OXR1: variants seen among roughly 807,000 people sequenced by gnomAD.
OXR1 encodes the protein oxidation resistance protein 1.
OXR1 carries 41 observed loss-of-function variants against 104.6 expected under a neutral mutation model. The ratio of observed to expected loss-of-function variants is 0.39; its 90% CI spans 0.31 to 0.51. The LOEUF (loss-of-function observed/expected upper bound fraction) is 0.51, where lower values mean the gene tolerates loss of function less well. Among genes scored for constraint, OXR1 ranks in the 20% least tolerant of loss-of-function variants. The pLI is 0.77. For missense variants in OXR1, 955 were observed against 1,031.9 expected (o/e 0.93, Z 1.02); for synonymous variants, 348 against 348.4 (o/e 1.00, Z 0.01).
At chr8:106,623,885 T>C (rs1365699466) in intron 3 of OXR1, among the ~76,000 whole-genome samples, 1 of 152,324 alleles carries the variant, frequency 6.6e-6, no homozygotes, top group East Asian at 1.9e-4. Flanking sequence ...GAGAAAATTG[T>C]CCAGTTCATT....
intron 8 of OXR1, among the ~76,000 whole-genome samples, chr8:106,704,732 G>T (rs948384912): frequency 2.6e-5 from 4 of 151,956 alleles, no homozygotes; most frequent in Non-Finnish European, 5.9e-5. Flanking sequence ...GTACTTTGGG[G>T]TTCTCTTATT....
At chr8:106,435,152 A>G (rs1423508450) in intron 2 of OXR1, among the ~76,000 whole-genome samples, 1 of 152,166 alleles carries the variant, frequency 6.6e-6, no homozygotes, top group African/African-American at 2.4e-5. Context: ...AACAGTGCTG[A>G]TTATGGGAAC....
intron 2 of OXR1, among the ~76,000 whole-genome samples, chr8:106,413,723 ACTT>A (rs72158125): frequency 0.37 from 54,560 of 145,566 alleles, 10,942 homozygotes; most frequent in East Asian, 0.68. Context: ...TGCTGTATCT[ACTT>A]TTTTTTTTTT....
chr8:106,554,685 C>G (rs926892195), intron 3 of OXR1, among the ~76,000 whole-genome samples: 1 of 152,254 alleles, frequency 6.6e-6, no homozygotes, highest in Admixed American at 6.5e-5. Context: ...TGACTTATGT[C>G]ACCCCCAGAT....
At chr8:106,638,848 C>G (rs369382412) in intron 3 of OXR1, among the ~76,000 whole-genome samples, 1 of 149,480 alleles carries the variant, frequency 6.7e-6, no homozygotes, top group African/African-American at 2.5e-5. Context: ...GAGCAGATAT[C>G]GTGCCACTGC....
chr8:106,299,637 T>C (rs1367758011), intron 1 of OXR1, among the ~76,000 whole-genome samples: 1 of 152,178 alleles, frequency 6.6e-6, no homozygotes, highest in Non-Finnish European at 1.5e-5. Context: ...TTTCTCTTTA[T>C]TCTTCATATT....
intron 3 of OXR1, chr8:106,658,100 T>C (rs957537131): frequency 2.9e-5 from 36 of 1,247,776 alleles, no homozygotes; most frequent in Non-Finnish European, 3.5e-5. Flanking sequence ...GCTTCGAAGA[T>C]TACCTGAGGG....
chr8:106,429,340 A>G (rs1230390671), intron 2 of OXR1, among the ~76,000 whole-genome samples: 1 of 152,122 alleles, frequency 6.6e-6, no homozygotes, highest in African/African-American at 2.4e-5. Flanking sequence ...TTTAGATCCC[A>G]GAACAGCATC....
intron 1 of OXR1, among the ~76,000 whole-genome samples, chr8:106,332,281 C>G (rs1197085122): frequency 2.0e-5 from 3 of 152,104 alleles, no homozygotes; most frequent in Non-Finnish European, 4.4e-5. Context: ...CATGTTTCTT[C>G]TTCCAGTTGA....
intron 3 of OXR1, among the ~76,000 whole-genome samples, chr8:106,543,562 A>G (rs1395061605): frequency 6.6e-6 from 1 of 152,162 alleles, no homozygotes; most frequent in Non-Finnish European, 1.5e-5. Context: ...ATGAGCTGAT[A>G]CTGTGTGTCA....
chr8:106,703,847 C>A (rs187782429), intron 8 of OXR1, among the ~76,000 whole-genome samples: 30 of 152,250 alleles, frequency 2.0e-4, no homozygotes, highest in Admixed American at 1.6e-3. Flanking sequence ...TAGGAAATAA[C>A]CTCCTCATTC....
At chr8:106,570,707 C>T (rs1458394942) in intron 3 of OXR1, among the ~76,000 whole-genome samples, 3 of 152,090 alleles carry the variant, frequency 2.0e-5, no homozygotes, top group Non-Finnish European at 4.4e-5. Flanking sequence ...TGCAGGCTTC[C>T]TACCTCATTG....
chr8:106,307,981 A>G (rs574374740), intron 1 of OXR1, among the ~76,000 whole-genome samples: 1 of 151,552 alleles, frequency 6.6e-6, no homozygotes, highest in Non-Finnish European at 1.5e-5. Flanking sequence ...CACACACACA[A>G]AAATGGAACC....
chr8:106,648,455 C>T (rs1430600926), intron 3 of OXR1, among the ~76,000 whole-genome samples: 1 of 152,086 alleles, frequency 6.6e-6, no homozygotes, highest in African/African-American at 2.4e-5. Context: ...TGATGATATT[C>T]TTTTAGTATA....
At chr8:106,616,052 T>A in intron 3 of OXR1, among the ~76,000 whole-genome samples, 1 of 121,590 alleles carries the variant, frequency 8.2e-6, no homozygotes, top group Non-Finnish European at 1.7e-5. Flanking sequence ...TTTTTTTTTT[T>A]TGAGACGGAG....
chr8:106,562,987 G>GA (rs1816791995), intron 3 of OXR1, among the ~76,000 whole-genome samples: 1 of 152,110 alleles, frequency 6.6e-6, no homozygotes, highest in African/African-American at 2.4e-5. Flanking sequence ...ATATGGAGAG[G>GA]AAAAACCAGT....
rs1033608610 is a variant in OXR1 at position 106,632,930 on chromosome 8, C to T, written c.221-46280C>T. Among the ~76,000 whole-genome samples, 6 of 149,286 alleles carry T rather than the reference C, an allele frequency of 4.0e-5. No homozygotes were observed. In the East Asian group the frequency reaches 1.2e-3, roughly 30 times the overall value. On this transcript the variant is annotated intron_variant, in intron 3 of 16. Coordinates refer to ENST00000517566, the MANE Select transcript of OXR1 (RefSeq NM_001198533.2). ...CTCCAGCCTGGGTGACAGAGTGAGA[C>T]CCTGTTTCAAAAAACAGCCAACCGG...
At chr8:106,288,711 T>C (rs890236739) in intron 1 of OXR1, among the ~76,000 whole-genome samples, 2 of 122,998 alleles carry the variant, frequency 1.6e-5, no homozygotes, top group Non-Finnish European at 3.5e-5. Context: ...ATTTATATAT[T>C]ATATATATTT....
At chr8:106,335,120 C>T (rs771670131) in intron 1 of OXR1, among the ~76,000 whole-genome samples, 3 of 152,106 alleles carry the variant, frequency 2.0e-5, no homozygotes, top group Admixed American at 2.0e-4. Context: ...CTCTCTCTCT[C>T]TGTCCTTTCC....
Sources: allele counts gnomAD v4.1 joint callset (sites outside exome capture counted in the v4.1 genomes callset), GRCh38; gene constraint gnomAD v4.1.1; transcripts MANE v1.5; gene names NCBI Gene and HGNC (gene_info 2026-07-23, HGNC 2026-07-21).